The following MYL4 variants were observed in gnomAD, a reference collection of about 807,000 sequenced individuals.
The protein encoded by MYL4 is atrial myosin light chain 1.
Under a neutral mutation model 21.6 loss-of-function variants are expected in MYL4, and 16 were observed. The ratio of observed to expected loss-of-function variants is 0.74; its 90% CI spans 0.50 to 1.12. The LOEUF (loss-of-function observed/expected upper bound fraction) is 1.12, where lower values mean the gene tolerates loss of function less well. Ranked by LOEUF, MYL4 falls within the 50% of genes most tolerant of loss-of-function variation. The pLI is 0.00. For missense variants in MYL4, 249 were observed against 252.9 expected (o/e 0.98, Z 0.11); for synonymous variants, 82 against 95.7 (o/e 0.86, Z 0.83).
At chr17:47,209,188 G>A, upstream of MYL4, 1 of 643,770 alleles carries the variant, frequency 1.6e-6, no homozygotes, top group South Asian at 1.8e-5. Flanking sequence ...AAGGGGAGGG[G>A]GCTGGTGGCC....
At chr17:47,224,638 G>A (rs118073511), downstream of MYL4, among the ~76,000 whole-genome samples, 1,742 of 152,258 alleles carry the variant, frequency 0.011, 25 homozygotes, top group Non-Finnish European at 0.017. Flanking sequence ...TTTTGTGACC[G>A]GCTTATTTCA....
downstream of MYL4, among the ~76,000 whole-genome samples, chr17:47,227,612 C>A (rs928405750): frequency 6.6e-6 from 1 of 152,184 alleles, no homozygotes; most frequent in South Asian, 2.1e-4. Flanking sequence ...CCTACTCAAC[C>A]TGAAGACAAG....
At chr17:47,224,896 G>C (rs2064879485), downstream of MYL4, among the ~76,000 whole-genome samples, 1 of 152,158 alleles carries the variant, frequency 6.6e-6, no homozygotes, top group Non-Finnish European at 1.5e-5. Flanking sequence ...GGAGGAGAGT[G>C]GGGAGAGGCA....
rs377242935 is a variant in MYL4, at chr17:47,209,726, G to C, written c.135+169G>C. 177 of 955,716 alleles carry C rather than the reference G, an allele frequency of 1.9e-4. 1 individual carries two copies. Among genetic ancestry groups the C allele is most frequent in the East Asian group, 6.0e-4 (25 of 41,372 alleles). The allele number at this position is 955,716 out of a possible 1,614,324, so 59.2% of individuals were successfully genotyped here. On this transcript the variant is annotated intron_variant, in intron 1 of 6. Transcript: ENST00000393450. ...GTGGAGTGGGTGTTGGGGCTGATGA[G>C]GGGGAGATTGAGTCATAAACCTTTT... is the stretch of plus-strand genomic sequence containing the variant.
chr17:47,218,401 G>T (rs887892116), intron 2 of MYL4, among the ~76,000 whole-genome samples: 1 of 152,184 alleles, frequency 6.6e-6, no homozygotes, highest in Non-Finnish European at 1.5e-5. Context: ...CATCTGCTTA[G>T]TAAAGCACTT....
At chr17:47,193,464 C>T in the MYL4 span, among the ~76,000 whole-genome samples, 2,464 of 152,210 alleles carry the variant, frequency 0.016, 54 homozygotes, top group African/African-American at 0.056. Flanking sequence ...GACGGAGTTT[C>T]GCCATGTTGG....
chr17:47,192,077 G>T, the MYL4 span, among the ~76,000 whole-genome samples: 1 of 152,164 alleles, frequency 6.6e-6, no homozygotes, highest in Non-Finnish European at 1.5e-5. Context: ...TTTCCTGGCT[G>T]GGTGAGGTGG....
chr17:47,224,503 G>C (rs2064877824), downstream of MYL4, among the ~76,000 whole-genome samples: 1 of 152,062 alleles, frequency 6.6e-6, no homozygotes, highest in African/African-American at 2.4e-5. Flanking sequence ...TCCACCAGCA[G>C]AAACACTGTA....
upstream of MYL4, among the ~76,000 whole-genome samples, chr17:47,199,302 C>CAA (rs564859340): frequency 1.9e-3 from 139 of 73,690 alleles, 1 homozygote; most frequent in African/African-American, 6.4e-3. Context: ...GACTTTGTCT[C>CAA]AAAAAAAAAA....
intron 3 of MYL4, 150 bp downstream of exon 3, chr17:47,220,203 C>A: frequency 3.1e-6 from 3 of 980,238 alleles, no homozygotes; most frequent in Non-Finnish European, 4.4e-6. Context: ...TTACCCTAGT[C>A]CCATTTTGAG....
At position 47,223,030 on chromosome 17, in the gene MYL4, C is replaced by G. The variant is rs1405716390; in HGVS notation, c.582C>G (p.Ile194Met). 3.1e-6 allele frequency: 5 copies of G among 1,614,046 alleles called. No homozygotes were observed. In the African/African-American group the frequency reaches 4.0e-5, roughly 13 times the overall value. The change falls in exon 6 of 7, where the codon ATC becomes ATG. Residue 194 changes from isoleucine (I) to methionine (M), a missense_variant. Physicochemically the swap from Ile to Met is conservative, Grantham distance 10. Transcript: ENST00000393450. ...TTTTCCTAGCCTTTGTCAAGCACAT[C>G]ATGTCAGGGTGAAGCAGAGTCTTCC... is the stretch of plus-strand genomic sequence containing the variant. Reference protein sequence around the residue: ...CINYEAFVKHIMSG With the variant: ...CINYEAFVKHMMSG
Position 47,221,355 on chromosome 17 carries a change from T to C in MYL4, c.314-327T>C, listed in dbSNP as rs984527766. On this transcript the variant is annotated intron_variant, in intron 3 of 6. Coordinates refer to ENST00000393450, the MANE Select transcript of MYL4 (RefSeq NM_002476.2). ...CGCGTGGCACTTCAGACCCCTCACA[T>C]CCTGCTGCTGCCACCCTCAGCTCCT... Among the ~76,000 whole-genome samples, 8 of 152,238 alleles carry C rather than the reference T, an allele frequency of 5.3e-5. No homozygotes were observed. In the East Asian group the frequency reaches 1.5e-3, roughly 29 times the overall value.
chr17:47,224,692 G>A (rs2064878658), downstream of MYL4, among the ~76,000 whole-genome samples: 1 of 152,132 alleles, frequency 6.6e-6, no homozygotes, highest in Admixed American at 6.6e-5. Flanking sequence ...GCGGAATCAT[G>A]TCCCATTGTA....
downstream of MYL4, among the ~76,000 whole-genome samples, chr17:47,225,259 G>C (rs1186926547): frequency 6.6e-6 from 1 of 152,184 alleles, no homozygotes; most frequent in Non-Finnish European, 1.5e-5. Flanking sequence ...CTATATACAT[G>C]CCCTTTGTTT....
rs770337731 is a variant in MYL4, at chr17:47,223,539, G to T, written c.*46G>T. ...TGGCCCTTGGCTTTAGCCATACCAG[G>T]GTGAGTTAAAGAGAGGCCCCGGCTG... On this transcript the variant is annotated 3_prime_UTR_variant, in exon 7 of 7. Transcript: ENST00000393450. The T allele has an allele frequency of 6.4e-6, 1 of 155,738 alleles. No homozygotes were observed. The highest frequency in any genetic ancestry group is 2.4e-5 in the African/African-American group (1 of 41,494). 9.6% of individuals were successfully genotyped at this position (155,738 alleles called of 1,614,324 possible).
chr17:47,197,311 G>T (rs945252570), upstream of MYL4, among the ~76,000 whole-genome samples: 14 of 152,040 alleles, frequency 9.2e-5, no homozygotes, highest in Admixed American at 2.0e-4. Flanking sequence ...TGTTAGCCAG[G>T]ATGGTCTCGA....
At chr17:47,209,081 T>G, upstream of MYL4, 21 of 400,562 alleles carry the variant, frequency 5.2e-5, no homozygotes, top group Middle Eastern at 7.3e-4. Context: ...TGCTCCGGCA[T>G]ATTTGAGAAG....
At chr17:47,202,734 A>G (rs2064714194) in intron 1 of MYL4, among the ~76,000 whole-genome samples, 2 of 152,232 alleles carry the variant, frequency 1.3e-5, no homozygotes, top group South Asian at 4.1e-4. Flanking sequence ...AAGCAACTCT[A>G]AATTTATTAA....
chr17:47,221,939 G>A, intron 4 of MYL4, 84 bp downstream of exon 4: 1 of 1,475,214 alleles, frequency 6.8e-7, no homozygotes, highest in Non-Finnish European at 9.2e-7. Flanking sequence ...TGGTTGGGTG[G>A]GGGGTGGTAT....
Sources: allele counts gnomAD v4.1 joint callset (sites outside exome capture counted in the v4.1 genomes callset), GRCh38; gene constraint gnomAD v4.1.1; transcripts MANE v1.5; gene names NCBI Gene and HGNC (gene_info 2026-07-23, HGNC 2026-07-21).